The following RALYL variants were observed in gnomAD, a reference collection of about 807,000 sequenced individuals.
RALYL encodes RNA-binding Raly-like protein.
A neutral mutation model predicts 35.1 loss-of-function variants in RALYL; 29 were observed. The observed-to-expected ratio is 0.83, with a 90% CI of 0.61 to 1.13. The LOEUF (loss-of-function observed/expected upper bound fraction) is 1.13. RALYL is among the 50% of genes most tolerant of loss of function. RALYL has a pLI of 0.00. For missense variants in RALYL, 359 were observed against 360.4 expected, an observed-to-expected ratio of 1.00 and a Z score of 0.03; for synonymous variants, 120 against 127.6, an observed-to-expected ratio of 0.94 and a Z score of 0.40.
chr8:84,244,191 C>T (rs1312089745), intron 1 of RALYL, among the ~76,000 whole-genome samples: 1 of 152,058 alleles, frequency 6.6e-6, no homozygotes, highest in African/African-American at 2.4e-5. Context: ...GACATTATCC[C>T]ATTTAGTGGA....
At chr8:84,622,623 G>T (rs1821796465) in intron 2 of RALYL, among the ~76,000 whole-genome samples, 2 of 152,066 alleles carry the variant, frequency 1.3e-5, no homozygotes, top group African/African-American at 4.8e-5. Flanking sequence ...TTATTCCAGG[G>T]AAGTCTCTCT....
At chr8:84,783,331 C>T (rs1411671559) in intron 3 of RALYL, among the ~76,000 whole-genome samples, 1 of 152,156 alleles carries the variant, frequency 6.6e-6, no homozygotes, top group Non-Finnish European at 1.5e-5. Flanking sequence ...ATCGAATAAA[C>T]ATTAAGCCAA....
At chr8:84,706,238 C>T (rs1841188541) in intron 2 of RALYL, among the ~76,000 whole-genome samples, 1 of 152,128 alleles carries the variant, frequency 6.6e-6, no homozygotes, top group African/African-American at 2.4e-5. Context: ...ATGTTGAGGG[C>T]AGAGGGGATA....
At chr8:84,401,572 A>G (rs1286682246) in intron 1 of RALYL, among the ~76,000 whole-genome samples, 1 of 131,182 alleles carries the variant, frequency 7.6e-6, no homozygotes, top group Non-Finnish European at 1.6e-5. Context: ...CGGGAGGCGG[A>G]GCTTGCAGTG....
intron 1 of RALYL, among the ~76,000 whole-genome samples, chr8:84,188,204 G>T (rs964446359): frequency 1.3e-5 from 2 of 151,550 alleles, no homozygotes; most frequent in African/African-American, 4.8e-5. Context: ...TAGTTTTATC[G>T]GCCATGAAAT....
At chr8:84,764,165 A>C (rs1165578470) in intron 2 of RALYL, among the ~76,000 whole-genome samples, 1 of 152,190 alleles carries the variant, frequency 6.6e-6, no homozygotes, top group African/African-American at 2.4e-5. Flanking sequence ...TCTCACTGAT[A>C]GTTCTCAGTG....
chr8:84,343,472 G>A lies in RALYL; in HGVS notation c.-24+159048G>A, dbSNP rs116894862. ...ACTGGAAGGCTAAACAAAATAAGCC[G>A]TCTTATATTTTACAGTTGAAATACT... On this transcript the variant is annotated intron_variant, in intron 1 of 8. Transcript: ENST00000521268. Among the ~76,000 whole-genome samples, 253 of 152,092 alleles carry A rather than the reference G, an allele frequency of 1.7e-3. 6 individuals are homozygous for A. In the East Asian group the frequency reaches 0.045, roughly 27 times the overall value.
At chr8:84,263,926 C>T (rs1586633785) in intron 1 of RALYL, among the ~76,000 whole-genome samples, 2 of 152,198 alleles carry the variant, frequency 1.3e-5, no homozygotes, top group Admixed American at 1.3e-4. Context: ...CATCCATGTC[C>T]CTGCAAAGGA....
intron 1 of RALYL, among the ~76,000 whole-genome samples, chr8:84,526,623 G>A (rs1399834994): frequency 3.3e-5 from 5 of 152,184 alleles, no homozygotes; most frequent in Admixed American, 6.5e-5. Context: ...CTTTAAAGCA[G>A]ATTTCTAGAG....
chr8:84,828,301 T>C (rs1002867177), intron 4 of RALYL, among the ~76,000 whole-genome samples: 1 of 152,162 alleles, frequency 6.6e-6, no homozygotes, highest in African/African-American at 2.4e-5. Flanking sequence ...GAAGCCACAC[T>C]CTAGAAAAAT....
At chr8:84,248,928 C>T (rs192862099) in intron 1 of RALYL, among the ~76,000 whole-genome samples, 1 of 151,972 alleles carries the variant, frequency 6.6e-6, no homozygotes, top group African/African-American at 2.4e-5. Flanking sequence ...ATAAATTATC[C>T]AGCTTGATTA....
intron 1 of RALYL, among the ~76,000 whole-genome samples, chr8:84,522,630 T>A (rs1349904343): frequency 6.6e-6 from 1 of 152,204 alleles, no homozygotes; most frequent in Non-Finnish European, 1.5e-5. Context: ...TTCAACTGGA[T>A]ATGATCACTT....
intron 1 of RALYL, among the ~76,000 whole-genome samples, chr8:84,228,213 T>C (rs570841098): frequency 7.2e-6 from 1 of 138,798 alleles, no homozygotes; most frequent in South Asian, 2.2e-4. Flanking sequence ...TCAGAGAAAA[T>C]AGCATAGTAT....
intron 2 of RALYL, 149 bp from the exon 3 acceptor site, chr8:84,774,430 A>T: frequency 1.6e-6 from 1 of 618,796 alleles, no homozygotes. Flanking sequence ...GACATAGAGT[A>T]AATGCTCAAT....
intron 2 of RALYL, among the ~76,000 whole-genome samples, chr8:84,737,497 T>A (rs2132986368): frequency 6.6e-6 from 1 of 152,180 alleles, no homozygotes; most frequent in East Asian, 1.9e-4. Flanking sequence ...AGACTAGTGC[T>A]ATTGGGGGAA....
Position 84,801,108 on chromosome 8 carries a change from G to GCAT in RALYL, c.333-3658_333-3656dup, listed in dbSNP as rs1214610744. On this transcript the variant is annotated intron_variant, in intron 3 of 8. Transcript: ENST00000521268. Reference sequence around the variant, plus strand: ...GCTAAGCAGTTGGTTTCAAAGCAGAGCATCATTCAACACGGGCCAGTTGTC... The same window carrying GCAT: ...GCTAAGCAGTTGGTTTCAAAGCAGAGCATCATCATTCAACACGGGCCAGTTGTC... 3.9e-5 allele frequency among the ~76,000 whole-genome samples: 6 copies of GCAT among 152,120 alleles called. No individual in the cohort carries two copies. In the East Asian group the frequency reaches 5.8e-4, roughly 15 times the overall value.
At chr8:84,640,003 G>A (rs1008439105) in intron 2 of RALYL, among the ~76,000 whole-genome samples, 19 of 151,960 alleles carry the variant, frequency 1.3e-4, no homozygotes, top group Non-Finnish European at 2.4e-4. Flanking sequence ...GCATCTGTGT[G>A]CCCATCCCTG....
chr8:84,436,506 G>A (rs1459323338), intron 1 of RALYL, among the ~76,000 whole-genome samples: 1 of 146,158 alleles, frequency 6.8e-6, no homozygotes, highest in Non-Finnish European at 1.5e-5. Flanking sequence ...CTTCGCAGAG[G>A]CACTAAAAAG....
chr8:84,602,229 A>G (rs151175951), intron 2 of RALYL, among the ~76,000 whole-genome samples: 2 of 152,084 alleles, frequency 1.3e-5, no homozygotes, highest in African/African-American at 2.4e-5. Context: ...AATATCCAAT[A>G]ACTGTTTTTC....
Sources: gnomAD v4.1 joint callset for allele counts (sites outside exome capture counted in the v4.1 genomes callset) on GRCh38, gnomAD v4.1.1 for gene constraint, MANE v1.5 for transcripts, NCBI Gene and HGNC (gene_info 2026-07-23, HGNC 2026-07-21) for gene names.